RAB40B: variants seen among roughly 807,000 people sequenced by gnomAD.
RAB40B encodes RAB40B, member RAS oncogene family.
RAB40B carries 21 observed loss-of-function variants against 24.0 expected under a neutral mutation model. The ratio of observed to expected loss-of-function variants is 0.88; its 90% CI spans 0.62 to 1.26. The LOEUF is 1.26. RAB40B is among the 50% of genes most tolerant of loss of function. The probability of loss-of-function intolerance (pLI) is 0.00; values close to 1 mark genes in which losing one functional copy is unlikely to be tolerated. For synonymous variants in RAB40B, 167 were observed against 169.8 expected, an observed-to-expected ratio of 0.98 and a Z score of 0.13; for missense variants, 348 against 390.5, an observed-to-expected ratio of 0.89 and a Z score of 0.92.
chr17:82,674,763 T>C (rs1285358340), intron 1 of RAB40B, among the ~76,000 whole-genome samples: 4 of 152,096 alleles, frequency 2.6e-5, no homozygotes, highest in African/African-American at 9.7e-5. Context: ...GCAACGTTCG[T>C]ATGGTTTGGA....
At position 82,663,266 on chromosome 17, in the gene RAB40B, G is replaced by A. The variant is rs1186336155; in HGVS notation, c.203+1230C>T. On this transcript the variant is annotated intron_variant, in intron 2 of 5. Transcript: ENST00000571995. This position sits in a 1 kb window ranked among gnomAD's most constrained non-coding sequence, Gnocchi z 6.2. The stretch of plus-strand genomic sequence containing the variant: ...GCAGGCGTAGGAAGGGGACAGGTAA[G>A]AGAAGGGGGTCCCAGCTGCTGGAGG... Among the ~76,000 whole-genome samples, 2 of 152,150 alleles carry A rather than the reference G, an allele frequency of 1.3e-5. No homozygotes were observed. Among genetic ancestry groups the A allele is most frequent in the Non-Finnish European group, 2.9e-5 (2 of 68,010 alleles).
intron 1 of RAB40B, among the ~76,000 whole-genome samples, chr17:82,687,899 C>T (rs1380735465): frequency 6.6e-6 from 1 of 152,124 alleles, no homozygotes; most frequent in African/African-American, 2.4e-5. Context: ...TAGCAAGACC[C>T]TCTCTCTACT....
At chr17:82,677,227 G>A (rs1322966220) in intron 1 of RAB40B, among the ~76,000 whole-genome samples, 8 of 152,168 alleles carry the variant, frequency 5.3e-5, no homozygotes, top group Middle Eastern at 3.2e-3. Context: ...GATTACAGGC[G>A]TGAGCCACCG....
At position 82,677,242 on chromosome 17, in the gene RAB40B, C is replaced by T. The variant is rs1051563740; in HGVS notation, c.143-12686G>A. 5.3e-5 allele frequency among the ~76,000 whole-genome samples: 8 copies of T among 152,302 alleles called. 1 individual carries two copies. In the South Asian group the frequency reaches 6.2e-4, roughly 12 times the overall value. Reference sequence around the variant, plus strand: ...GATTACAGGCGTGAGCCACCGCTCCCGGCCAGCCTACTAATTTAAACAATT... The same window carrying T: ...GATTACAGGCGTGAGCCACCGCTCCTGGCCAGCCTACTAATTTAAACAATT... On this transcript the variant is annotated intron_variant, in intron 1 of 5. Transcript: ENST00000571995.
Position 82,697,470 on chromosome 17 carries a change from C to T in RAB40B, c.142+985G>A, listed in dbSNP as rs527983475. Among the ~76,000 whole-genome samples, 9 of 152,300 alleles carry T rather than the reference C, an allele frequency of 5.9e-5. No homozygotes were observed. The highest frequency in any genetic ancestry group is 2.2e-4 in the African/African-American group (9 of 41,566). ...AAGACTCCATCTCCACGCCCGGCTGCCCTCCTCCGCCCAGGACTCAGAGCG... is the reference window on the plus strand; with the variant it reads ...AAGACTCCATCTCCACGCCCGGCTGTCCTCCTCCGCCCAGGACTCAGAGCG... On this transcript the variant is annotated intron_variant, in intron 1 of 5. Transcript: ENST00000571995. This position sits in a 1 kb window ranked among gnomAD's most constrained non-coding sequence, Gnocchi z 4.9.
In RAB40B at chr17:82,674,336, G is replaced by A. The variant is rs371963506; in HGVS notation, c.143-9780C>T. On this transcript the variant is annotated intron_variant, in intron 1 of 5. Transcript: ENST00000571995. Reference sequence around the variant, plus strand: ...CCTGGGCAAAAAAGAGTGAAACTCCGTCTCAAAAGAAAAGACCAGGCGTGG... The same window carrying A: ...CCTGGGCAAAAAAGAGTGAAACTCCATCTCAAAAGAAAAGACCAGGCGTGG... Among the ~76,000 whole-genome samples the A allele has an allele frequency of 3.0e-4, 40 of 134,398 alleles. 1 individual carries two copies. Among genetic ancestry groups the A allele is most frequent in the Middle Eastern group, 0.012 (2 of 162 alleles). 88.2% of individuals were successfully genotyped at this position (134,398 alleles called of 152,430 possible). A position where few individuals can be genotyped will look rare whatever the true frequency, so the allele number is the denominator to read the frequency against.
intron 1 of RAB40B, among the ~76,000 whole-genome samples, chr17:82,691,414 G>C (rs9303032): frequency 1.3e-4 from 20 of 151,972 alleles, no homozygotes; most frequent in Admixed American, 8.5e-4. Flanking sequence ...GGCCGGGCGC[G>C]GTGGCTCACG....
chr17:82,671,306 G>A (rs895057668), intron 1 of RAB40B, among the ~76,000 whole-genome samples: 16 of 141,172 alleles, frequency 1.1e-4, no homozygotes, highest in Admixed American at 6.6e-4. Flanking sequence ...ACTTCACCCC[G>A]TAACTCTAAC....
chr17:82,693,886 C>T lies in RAB40B; in HGVS notation c.142+4569G>A, dbSNP rs1473997006. On this transcript the variant is annotated intron_variant, in intron 1 of 5. Transcript: ENST00000571995. ...TCACCTTAGGCCCGGAGTTCCAGAC[C>T]ATCCTGGCTAACAAAGTGAAACCCC... Among the ~76,000 whole-genome samples, 7 of 149,776 alleles carry T rather than the reference C, an allele frequency of 4.7e-5. 1 individual carries two copies. The highest frequency in any genetic ancestry group is 4.6e-4 in the Admixed American group (7 of 15,132).
At chr17:82,660,510 C>T (rs970423736) in intron 3 of RAB40B, among the ~76,000 whole-genome samples, 3 of 151,660 alleles carry the variant, frequency 2.0e-5, no homozygotes, top group Non-Finnish European at 4.4e-5. Context: ...CATGCAGGCA[C>T]TCATGCACAG....
At chr17:82,676,119 G>A (rs563862146) in intron 1 of RAB40B, among the ~76,000 whole-genome samples, 3 of 152,254 alleles carry the variant, frequency 2.0e-5, no homozygotes, top group East Asian at 3.9e-4. Context: ...GGAACCGACC[G>A]CCTCGTGGGA....
chr17:82,682,783 G>C (rs1002272102), intron 1 of RAB40B, among the ~76,000 whole-genome samples: 1 of 152,184 alleles, frequency 6.6e-6, no homozygotes, highest in African/African-American at 2.4e-5. Context: ...TTCAACAAAT[G>C]CTGCTGGAAC....
chr17:82,673,542 T>C (rs1389060997), intron 1 of RAB40B, among the ~76,000 whole-genome samples: 1 of 152,202 alleles, frequency 6.6e-6, no homozygotes, highest in Non-Finnish European at 1.5e-5. Flanking sequence ...TGAAAATGTC[T>C]TTAGGCTGCC....
At chr17:82,683,805 CAAAAAAA>C (rs35145848) in intron 1 of RAB40B, among the ~76,000 whole-genome samples, 20 of 90,790 alleles carry the variant, frequency 2.2e-4, no homozygotes, top group African/African-American at 8.1e-4. Context: ...ACCCTGTTTC[CAAAAAAA>C]AAAAAAAAAA....
At chr17:82,696,978 G>C (rs1449452694) in intron 1 of RAB40B, 1 of 153,140 alleles carries the variant, frequency 6.5e-6, no homozygotes, top group East Asian at 1.9e-4. Context: ...GAGCGGGGAG[G>C]GGGGTAGGAC....
At chr17:82,682,530 G>T (rs991610565) in intron 1 of RAB40B, among the ~76,000 whole-genome samples, 1 of 152,134 alleles carries the variant, frequency 6.6e-6, no homozygotes, top group African/African-American at 2.4e-5. Flanking sequence ...ATCCTAGCAG[G>T]ACTTTTCTTG....
rs745869414 is a variant in RAB40B, at chr17:82,657,933, T to G, written c.767A>C (p.Lys256Thr). Residue 256 changes from lysine to threonine, a missense_variant, in exon 6 of 6, where the codon AAA (lysine) becomes ACA (threonine). Transcript: ENST00000571995. ...CTGGGGGGGGCGGACGAGCTTCACT[T>G]TGCGGAGGCTGCTCCTTTTGTGGGT... ...SSTHKRSSLR[K>T]VKLVRPPQSP... The G allele has an allele frequency of 7.4e-6, 12 of 1,613,882 alleles. No homozygotes were observed. The highest frequency in any genetic ancestry group is 1.0e-5 in the Non-Finnish European group (12 of 1,179,986).
chr17:82,669,117 C>T (rs1298999967), intron 1 of RAB40B, among the ~76,000 whole-genome samples: 1 of 146,096 alleles, frequency 6.8e-6, no homozygotes. Flanking sequence ...GTGAGAGGAT[C>T]GCTTGAGCCC....
intron 1 of RAB40B, among the ~76,000 whole-genome samples, chr17:82,678,056 C>T (rs536546759): frequency 7.9e-4 from 121 of 152,322 alleles, no homozygotes; most frequent in African/African-American, 2.8e-3. Flanking sequence ...TGTGAGAAGA[C>T]TCTTCTTTTC....
Sources: gnomAD v4.1 joint callset for allele counts (sites outside exome capture counted in the v4.1 genomes callset) on GRCh38, gnomAD v4.1.1 for gene constraint, Gnocchi (gnomAD v3.1) non-coding constraint, MANE v1.5 for transcripts, NCBI Gene and HGNC (gene_info 2026-07-23, HGNC 2026-07-21) for gene names.